Variants in SCN3A observed in about 807,000 individuals in gnomAD.
SCN3A encodes sodium voltage-gated channel alpha subunit 3, also known as sodium channel protein type 3 subunit alpha.
Under a neutral mutation model 187.6 loss-of-function variants are expected in SCN3A, and 60 were observed. That is an observed-to-expected ratio of 0.32 (90% CI 0.26 to 0.40). The LOEUF is 0.40. Ranked by LOEUF, SCN3A falls within the 10% of genes least tolerant of loss-of-function variation. The pLI, the probability that SCN3A is intolerant of heterozygous loss-of-function variation, is 1.00. For missense variants in SCN3A, 1,601 were observed against 2,428.2 expected (o/e 0.66, Z 7.16); for synonymous variants, 788 against 829.2 (o/e 0.95, Z 0.85).
intron 21 of SCN3A, among the ~76,000 whole-genome samples, chr2:165,107,097 G>GGGGAAAC (rs1685898617): frequency 6.6e-6 from 1 of 152,148 alleles, no homozygotes; most frequent in Non-Finnish European, 1.5e-5. Flanking sequence ...ATGACTTAGA[G>GGGGAAAC]GGGAAACATG....
chr2:165,172,370 A>G (rs1293434759), intron 3 of SCN3A, among the ~76,000 whole-genome samples: 1 of 152,198 alleles, frequency 6.6e-6, no homozygotes, highest in Non-Finnish European at 1.5e-5. Context: ...TAGTTTTATG[A>G]AGCGGGCAAG....
At chr2:165,156,833 C>T (rs116477275) in intron 9 of SCN3A, among the ~76,000 whole-genome samples, 1,718 of 151,882 alleles carry the variant, frequency 0.011, 27 homozygotes, top group Middle Eastern at 0.045. Context: ...ATTACAGGTG[C>T]GAGCCACCGC....
At chr2:165,179,199 A>G (rs1690671160) in intron 2 of SCN3A, among the ~76,000 whole-genome samples, 1 of 152,154 alleles carries the variant, frequency 6.6e-6, no homozygotes, top group Non-Finnish European at 1.5e-5. Flanking sequence ...ATTGACAATG[A>G]ATGAAAAACA....
chr2:165,136,403 A>G (rs1243117887), intron 15 of SCN3A, among the ~76,000 whole-genome samples: 1 of 152,172 alleles, frequency 6.6e-6, no homozygotes, highest in African/African-American at 2.4e-5. Flanking sequence ...ATGAGGAAGG[A>G]AACTGTTTAT....
intron 11 of SCN3A, among the ~76,000 whole-genome samples, chr2:165,152,410 T>C (rs1423623935): frequency 6.6e-6 from 1 of 152,190 alleles, no homozygotes; most frequent in East Asian, 1.9e-4. Context: ...GCAGATTAAA[T>C]GTTCAAAAGA....
intron 20 of SCN3A, among the ~76,000 whole-genome samples, chr2:165,113,470 A>C (rs190405115): frequency 2.2e-4 from 33 of 152,300 alleles, no homozygotes; most frequent in Non-Finnish European, 1.5e-5. Flanking sequence ...TGAAAAAAAA[A>C]CCTAAAATAC....
intron 1 of SCN3A, among the ~76,000 whole-genome samples, chr2:165,194,486 T>TC (rs1317354557): frequency 6.6e-6 from 1 of 152,124 alleles, no homozygotes; most frequent in Non-Finnish European, 1.5e-5. Context: ...GAGGATATAT[T>TC]CATTTTTAGA....
In SCN3A at chr2:165,140,831, CACAA is replaced by C; in HGVS notation, c.1835_1838del (p.Phe612CysfsTer51). The C allele has an allele frequency of 6.2e-7, 1 of 1,614,164 alleles. No homozygotes were observed. The highest frequency in any genetic ancestry group is 2.2e-5 in the East Asian group (1 of 44,864). On this transcript the variant is annotated frameshift_variant, in exon 13 of 28. Coordinates refer to ENST00000283254, the MANE Select transcript of SCN3A (RefSeq NM_006922.4). LOFTEE classifies it high-confidence loss of function. This position sits in a 1 kb window ranked among gnomAD's most constrained non-coding sequence, Gnocchi z 4.2. ...TGCGTCGCTCTCCATGTCTGTGCGG[CACAA>C]ACAGTGAGTCTCTCCTGCTTTCGCT...
rs200815362 is a variant in SCN3A, at chr2:165,100,407, C to T, written c.3861G>A (p.Leu1287=). The change falls in exon 22 of 28, where the codon CTG becomes CTA. Residue 1287 remains leucine, a synonymous_variant. Transcript: ENST00000283254. ...FLIVDVSLVS[L]VANALGYSEL... ...CTGAGTAGCCAAGAGCATTGGCTAC[C>T]AGGCTAACCAAAGAAACCTACAAAA... 3 of 1,613,610 alleles carry T rather than the reference C, an allele frequency of 1.9e-6. No homozygotes were observed. The highest frequency in any genetic ancestry group is 1.7e-5 in the Admixed American group (1 of 59,988).
chr2:165,089,034 T>A lies in SCN3A; in HGVS notation c.*1116A>T, dbSNP rs1684960571. ...CAAGACTTGTGAAGAATGGATTGAG[T>A]AAAATAGAGCAGCATAGGCAATATT... On this transcript the variant is annotated 3_prime_UTR_variant, in exon 28 of 28. Coordinates refer to ENST00000283254, the MANE Select transcript of SCN3A (RefSeq NM_006922.4). The A allele has an allele frequency of 6.6e-6, 1 of 152,478 alleles. No homozygotes were observed. Among genetic ancestry groups the A allele is most frequent in the Admixed American group, 6.6e-5 (1 of 15,256 alleles). The allele number at this position is 152,478 out of a possible 1,614,324, so 9.4% of individuals were successfully genotyped here.
chr2:165,096,337 G>T, intron 24 of SCN3A, 130 bp downstream of exon 24: 1 of 704,948 alleles, frequency 1.4e-6, no homozygotes, highest in Admixed American at 2.3e-5. Context: ...TATTGAAGCA[G>T]ACTGTTCATT....
chr2:165,088,178 T>A lies in SCN3A; in HGVS notation c.*1972A>T, dbSNP rs1351895955. Reference sequence around the variant, plus strand: ...GAAATTTATTCTTTTGGCTCAATAATGACGTAGCTCACCATTCTTTTTAGC... The same window carrying A: ...GAAATTTATTCTTTTGGCTCAATAAAGACGTAGCTCACCATTCTTTTTAGC... On this transcript the variant is annotated 3_prime_UTR_variant, in exon 28 of 28. Coordinates refer to ENST00000283254, the MANE Select transcript of SCN3A (RefSeq NM_006922.4). 6.6e-6 allele frequency: 1 copy of A among 152,566 alleles called. No homozygotes were observed. The highest frequency in any genetic ancestry group is 1.9e-4 in the East Asian group (1 of 5,204). The allele number at this position is 152,566 out of a possible 1,614,324, so 9.5% of individuals were successfully genotyped here.
In SCN3A at chr2:165,095,550, A is replaced by C; in HGVS notation, c.4392T>G (p.Ile1464Met). The change falls in exon 25 of 28, where the codon ATT (isoleucine) becomes ATG (methionine). Residue 1464 changes from isoleucine to methionine, a missense_variant. This residue lies in a region of SCN3A where 320 missense variants were observed against 623.2 expected (regional missense o/e 0.51). Transcript: ENST00000283254. ...FGSFFTLNLF[I>M]GVIIDNFNQQ... ...GGTTGAAGTTATCTATGATGACACCAATGAATAGATTCAGAGTGAAGAATG... is the reference window on the plus strand; with the variant it reads ...GGTTGAAGTTATCTATGATGACACCCATGAATAGATTCAGAGTGAAGAATG... 6.2e-7 allele frequency: 1 copy of C among 1,610,554 alleles called. No homozygotes were observed. Among genetic ancestry groups the C allele is most frequent in the Non-Finnish European group, 8.5e-7 (1 of 1,176,860 alleles).
intron 15 of SCN3A, among the ~76,000 whole-genome samples, chr2:165,137,325 T>G (rs1039452431): frequency 6.6e-6 from 1 of 152,168 alleles, no homozygotes; most frequent in Non-Finnish European, 1.5e-5. Flanking sequence ...TGTTCACCCA[T>G]TTTGATTAGC....
chr2:165,196,131 T>C (rs775544909), intron 1 of SCN3A, among the ~76,000 whole-genome samples: 1 of 152,052 alleles, frequency 6.6e-6, no homozygotes, highest in Non-Finnish European at 1.5e-5. Flanking sequence ...CAATATCTCA[T>C]TGGTTTCTTA....
In SCN3A at chr2:165,154,442, C is replaced by A; in HGVS notation, c.1380+10G>T. ...AATAATGATAAATCTTTGCTTTTAT[C>A]ACTCAGTACCTGAGCTTCTTCCTGT... On this transcript the variant is annotated intron_variant, in intron 11 of 27. Coordinates refer to ENST00000283254, the MANE Select transcript of SCN3A (RefSeq NM_006922.4). The A allele has an allele frequency of 6.2e-7, 1 of 1,613,286 alleles. No individual in the cohort carries two copies. Among genetic ancestry groups the A allele is most frequent in the South Asian group, 1.1e-5 (1 of 91,036 alleles).
chr2:165,165,489 G>A (rs558511701), intron 5 of SCN3A, among the ~76,000 whole-genome samples: 48 of 152,254 alleles, frequency 3.2e-4, no homozygotes, highest in African/African-American at 9.4e-4. Context: ...AATGGTGGAA[G>A]ACTTTTCTAT....
chr2:165,120,693 G>A (rs2105735947), intron 18 of SCN3A, among the ~76,000 whole-genome samples: 1 of 151,998 alleles, frequency 6.6e-6, no homozygotes, highest in South Asian at 2.1e-4. Context: ...TTTTGGATAT[G>A]CATAACCATA....
chr2:165,178,106 A>G (rs557234416), intron 2 of SCN3A, among the ~76,000 whole-genome samples: 1 of 152,316 alleles, frequency 6.6e-6, no homozygotes, highest in East Asian at 1.9e-4. Flanking sequence ...TATTAATAAC[A>G]TAAGAAAAAC....
Sources: allele counts gnomAD v4.1 joint callset (sites outside exome capture counted in the v4.1 genomes callset), GRCh38; gene constraint gnomAD v4.1.1; regional missense constraint gnomAD v4.1.1; non-coding constraint Gnocchi (gnomAD v3.1); transcripts MANE v1.5; gene names NCBI Gene and HGNC (gene_info 2026-07-23, HGNC 2026-07-21).